The following ELOVL6 variants were observed in gnomAD, a reference collection of about 807,000 sequenced individuals.
ELOVL6 encodes the protein ELOVL fatty acid elongase 6, also known as very long chain fatty acid elongase 6.
Under a neutral mutation model 31.7 loss-of-function variants are expected in ELOVL6, and 8 were observed. That is an observed-to-expected ratio of 0.25 (90% CI 0.15 to 0.45). The LOEUF is 0.45. Ranked by LOEUF, ELOVL6 falls within the 20% of genes least tolerant of loss-of-function variation. ELOVL6 has a pLI of 1.00. For synonymous variants in ELOVL6, 101 were observed against 117.7 expected (o/e 0.86, Z 0.92); for missense variants, 126 against 326.4 (o/e 0.39, Z 4.73).
At chr4:110,116,214 C>T (rs547439661) in intron 1 of ELOVL6, among the ~76,000 whole-genome samples, 1 of 152,320 alleles carries the variant, frequency 6.6e-6, no homozygotes, top group East Asian at 1.9e-4. Context: ...AACATATTCA[C>T]AGAAGATGGG....
At chr4:110,158,657 A>ATATT in intron 1 of ELOVL6, among the ~76,000 whole-genome samples, 8 of 74,158 alleles carry the variant, frequency 1.1e-4, no homozygotes, top group African/African-American at 3.3e-4. Flanking sequence ...ATATATATAT[A>ATATT]TTTTTTTTTT....
intron 1 of ELOVL6, among the ~76,000 whole-genome samples, chr4:110,180,234 A>C (rs1373095328): frequency 6.6e-6 from 1 of 152,208 alleles, no homozygotes; most frequent in Non-Finnish European, 1.5e-5. Context: ...GTGTGAAATA[A>C]CACCCACAAT....
At chr4:110,124,569 G>A (rs1199793220) in intron 1 of ELOVL6, among the ~76,000 whole-genome samples, 2 of 152,112 alleles carry the variant, frequency 1.3e-5, no homozygotes, top group Non-Finnish European at 2.9e-5. Context: ...GGGAGTTAGG[G>A]GAGGGAGACC....
chr4:110,146,925 G>A (rs1490617825), intron 1 of ELOVL6: 2 of 152,664 alleles, frequency 1.3e-5, no homozygotes, highest in African/African-American at 2.4e-5. Context: ...GGGAGGTGGA[G>A]GTTGCAGTGA....
chr4:110,181,839 C>A (rs1759282578), intron 1 of ELOVL6, among the ~76,000 whole-genome samples: 1 of 152,162 alleles, frequency 6.6e-6, no homozygotes. Context: ...ACATACCAGG[C>A]TCTCTGGATC....
intron 1 of ELOVL6, among the ~76,000 whole-genome samples, chr4:110,126,840 A>G (rs1224536759): frequency 6.6e-6 from 1 of 152,166 alleles, no homozygotes; most frequent in Non-Finnish European, 1.5e-5. Flanking sequence ...TTAGCTACCT[A>G]TCTTCAGCCA....
chr4:110,082,563 G>A (rs1420206159), intron 2 of ELOVL6, among the ~76,000 whole-genome samples: 1 of 151,902 alleles, frequency 6.6e-6, no homozygotes. Flanking sequence ...ATGGACACAG[G>A]AAGGGGAACA....
chr4:110,191,082 G>A (rs1269195056), intron 1 of ELOVL6, among the ~76,000 whole-genome samples: 2 of 152,072 alleles, frequency 1.3e-5, no homozygotes, highest in Non-Finnish European at 2.9e-5. Context: ...GCCTCCCAAA[G>A]TGCTGGGATT....
At chr4:110,064,148 A>G (rs74991610) in intron 2 of ELOVL6, among the ~76,000 whole-genome samples, 1 of 152,072 alleles carries the variant, frequency 6.6e-6, no homozygotes, top group Non-Finnish European at 1.5e-5. Flanking sequence ...GTCAAAGCCA[A>G]ATGAAATCAG....
intron 1 of ELOVL6, among the ~76,000 whole-genome samples, chr4:110,124,991 T>C (rs1268282629): frequency 1.3e-5 from 2 of 152,308 alleles, no homozygotes; most frequent in East Asian, 1.9e-4. Flanking sequence ...CTTTTTAATA[T>C]ATGTTTCTCT....
intron 1 of ELOVL6, among the ~76,000 whole-genome samples, chr4:110,152,158 A>C (rs930354177): frequency 6.6e-6 from 1 of 152,204 alleles, no homozygotes; most frequent in Non-Finnish European, 1.5e-5. Context: ...AAATATCTTT[A>C]AAACTTAATA....
At position 110,084,056 on chromosome 4, in the gene ELOVL6, T is replaced by TCA. The variant is rs1560813760; in HGVS notation, c.221+21440_221+21441insTG. Among the ~76,000 whole-genome samples the TCA allele has an allele frequency of 1.4e-3, 151 of 107,170 alleles. 2 individuals are homozygous for TCA. The highest frequency in any genetic ancestry group is 8.6e-3 in the Middle Eastern group (1 of 116). 70.3% of individuals were successfully genotyped at this position (107,170 alleles called of 152,430 possible). ...TATGGTATATAACACATGCTATATATGATATATAACATATATATGCTATAT... is the reference window on the plus strand; with the variant it reads ...TATGGTATATAACACATGCTATATATCAGATATATAACATATATATGCTATAT... On this transcript the variant is annotated intron_variant, in intron 2 of 3. Coordinates refer to ENST00000302274, the MANE Select transcript of ELOVL6 (RefSeq NM_024090.3).
intron 2 of ELOVL6, among the ~76,000 whole-genome samples, chr4:110,076,744 C>T (rs1013354641): frequency 1.3e-5 from 2 of 152,158 alleles, no homozygotes; most frequent in Non-Finnish European, 2.9e-5. Context: ...GGGTGCAAGA[C>T]AGTGGGTGCA....
At chr4:110,084,058 ATATATAACATATATATGC>A (rs775026402) in intron 2 of ELOVL6, among the ~76,000 whole-genome samples, 6,240 of 80,784 alleles carry the variant, frequency 0.077, 644 homozygotes, top group South Asian at 0.14. Flanking sequence ...GCTATATATG[ATATATAACATATATATGC>A]TATATATGAT....
chr4:110,055,419 A>G (rs1362642740), intron 3 of ELOVL6, among the ~76,000 whole-genome samples: 2 of 152,208 alleles, frequency 1.3e-5, no homozygotes, highest in Non-Finnish European at 2.9e-5. Flanking sequence ...CGAACGTTTC[A>G]GTCCTGTCAT....
rs78557517 is a variant in ELOVL6, at chr4:110,184,152, T to C, written c.89+14095A>G. ...TTTTCTTCTTAAAAATGAGATCAGA[T>C]GAAGAGAGTAAAATATTTTTAAGGG... is the stretch of plus-strand genomic sequence containing the variant. On this transcript the variant is annotated intron_variant, in intron 1 of 3. Transcript: ENST00000302274. 9.2e-3 allele frequency among the ~76,000 whole-genome samples: 1,399 copies of C among 152,242 alleles called. 19 individuals carry two copies. Among genetic ancestry groups the C allele is most frequent in the African/African-American group, 0.031 (1,306 of 41,538 alleles).
rs112429086 is a variant in ELOVL6, at chr4:110,085,122, A to T, written c.221+20375T>A. Among the ~76,000 whole-genome samples, 186 of 152,334 alleles carry T rather than the reference A, an allele frequency of 1.2e-3. 1 individual carries two copies. Among genetic ancestry groups the T allele is most frequent in the African/African-American group, 4.3e-3 (178 of 41,576 alleles). Reference sequence around the variant, plus strand: ...TTTAAGATGGGACATCAAAGAAAGAAAATGCAAACTGATATGAAAGCAAGA... The same window carrying T: ...TTTAAGATGGGACATCAAAGAAAGATAATGCAAACTGATATGAAAGCAAGA... On this transcript the variant is annotated intron_variant, in intron 2 of 3. Transcript: ENST00000302274.
chr4:110,148,419 A>G (rs956584612), intron 1 of ELOVL6, among the ~76,000 whole-genome samples: 5 of 151,722 alleles, frequency 3.3e-5, no homozygotes, highest in African/African-American at 1.2e-4. Flanking sequence ...ACTTATTTGT[A>G]CAATCTAAAC....
intron 1 of ELOVL6, among the ~76,000 whole-genome samples, chr4:110,196,317 G>T (rs1459144786): frequency 6.6e-6 from 1 of 152,234 alleles, no homozygotes; most frequent in Non-Finnish European, 1.5e-5. Flanking sequence ...CGGGAGGACT[G>T]TGGGCCCGAA....
Sources: gnomAD v4.1 joint callset for allele counts (sites outside exome capture counted in the v4.1 genomes callset) on GRCh38, gnomAD v4.1.1 for gene constraint, MANE v1.5 for transcripts, NCBI Gene and HGNC (gene_info 2026-07-23, HGNC 2026-07-21) for gene names.